The following HSP90AA1 variants were observed in gnomAD, a reference collection of about 807,000 sequenced individuals.
The protein encoded by HSP90AA1 is heat shock protein HSP 90-alpha.
Under a neutral mutation model 73.3 loss-of-function variants are expected in HSP90AA1, and 18 were observed. That is an observed-to-expected ratio of 0.25 (90% CI 0.17 to 0.36). HSP90AA1 has a LOEUF of 0.36. Ranked by LOEUF, HSP90AA1 falls within the 10% of genes least tolerant of loss-of-function variation. The probability of loss-of-function intolerance (pLI) is 1.00; values close to 1 mark genes in which losing one functional copy is unlikely to be tolerated. For synonymous variants in HSP90AA1, 477 were observed against 296.9 expected, an observed-to-expected ratio of 1.61 and a Z score of -6.24; for missense variants, 704 against 874.2, an observed-to-expected ratio of 0.81 and a Z score of 2.45.
upstream of HSP90AA1, among the ~76,000 whole-genome samples, chr14:102,088,827 A>G (rs549455197): frequency 2.6e-5 from 4 of 151,854 alleles, no homozygotes; most frequent in Non-Finnish European, 5.9e-5. Flanking sequence ...TTCCTACCGC[A>G]GTTTCTGCCA....
chr14:102,109,208 C>T (rs1015229105), intron 1 of HSP90AA1, among the ~76,000 whole-genome samples: 8 of 152,152 alleles, frequency 5.3e-5, no homozygotes, highest in Non-Finnish European at 8.8e-5. Flanking sequence ...GATGGAATTA[C>T]ACAATACGTA....
At position 102,101,931 on chromosome 14, in the gene HSP90AA1, C is replaced by T. The variant is rs754687878; in HGVS notation, c.310G>A (p.Gly104Ser). Residue 104 changes from glycine to serine, a missense_variant, in exon 2 of 12, where the codon GGT becomes AGT. By Grantham distance (56) the Gly-to-Ser change is moderately conservative. Transcript: ENST00000334701. Reference sequence around the variant, plus strand: ...TCCTTGTAGAGGTGTTGCCCTGCACCTTGGCTCTGTCTGAAGGCCAGTGAC... The same window carrying T: ...TCCTTGTAGAGGTGTTGCCCTGCACTTTGGCTCTGTCTGAAGGCCAGTGAC... 4.3e-6 allele frequency: 7 copies of T among 1,614,078 alleles called. No individual in the cohort carries two copies. The East Asian group carries it at 1.1e-4, about 26-fold the overall frequency.
At chr14:102,100,187 C>G (rs551478272) in intron 2 of HSP90AA1, among the ~76,000 whole-genome samples, 11 of 151,458 alleles carry the variant, frequency 7.3e-5, no homozygotes, top group Non-Finnish European at 1.3e-4. Context: ...AACTCTGTCT[C>G]GAAAAAAAAA....
chr14:102,094,652 G>T (rs1481221239), intron 2 of HSP90AA1, among the ~76,000 whole-genome samples: 1 of 152,202 alleles, frequency 6.6e-6, no homozygotes, highest in Non-Finnish European at 1.5e-5. Context: ...GAATTAAAAA[G>T]AAAATGGAGG....
At chr14:102,121,150 C>T (rs542675640) in intron 1 of HSP90AA1, among the ~76,000 whole-genome samples, 4 of 152,142 alleles carry the variant, frequency 2.6e-5, no homozygotes, top group African/African-American at 9.6e-5. Flanking sequence ...GATGCTCCTG[C>T]CTCAGCCTTC....
chr14:102,106,524 C>T (rs543991835), intron 1 of HSP90AA1, among the ~76,000 whole-genome samples: 31 of 147,254 alleles, frequency 2.1e-4, no homozygotes, highest in African/African-American at 6.0e-4. Context: ...CGCCTGAGCT[C>T]CCTGTTGAGC....
At chr14:102,097,504 C>T (rs74594647) in intron 2 of HSP90AA1, among the ~76,000 whole-genome samples, 3,512 of 152,264 alleles carry the variant, frequency 0.023, 80 homozygotes, top group South Asian at 0.1. Flanking sequence ...TCCACTGCTG[C>T]TCCTGTTCTG....
chr14:102,097,187 T>A (rs919403531), intron 2 of HSP90AA1, among the ~76,000 whole-genome samples: 1 of 152,064 alleles, frequency 6.6e-6, no homozygotes, highest in African/African-American at 2.4e-5. Flanking sequence ...GGTTTCTCCA[T>A]GTTGGCCAGG....
At chr14:102,134,708 G>A (rs930929007) in intron 1 of HSP90AA1, among the ~76,000 whole-genome samples, 3 of 152,142 alleles carry the variant, frequency 2.0e-5, no homozygotes, top group African/African-American at 4.8e-5. Context: ...GAGTGAAGCT[G>A]CAAATCTTCG....
Position 102,083,979 on chromosome 14 carries a change from G to A in HSP90AA1, c.1152C>T (p.Phe384=). The change falls in exon 7 of 11, where the codon TTC becomes TTT. Residue 384 remains phenylalanine, a synonymous_variant. Coordinates refer to ENST00000216281, the MANE Select transcript of HSP90AA1 (RefSeq NM_005348.4). ...CEELIPEYLN[F]IRGVVDSEDL... ...CCTCCGAGTCTACCACCCCTCTAAT[G>A]AAGTCTGAAAAAAATATAAACCAAA... is the stretch of plus-strand genomic sequence containing the variant. The A allele has an allele frequency of 6.2e-7, 1 of 1,613,098 alleles. No homozygotes were observed. Among genetic ancestry groups the A allele is most frequent in the Non-Finnish European group, 8.5e-7 (1 of 1,179,068 alleles).
rs1725591358 is a variant in HSP90AA1, at chr14:102,080,933, C to T, written c.*779G>A. ...ACATGCTGGGAAGACCATGTCAACC[C>T]TTGGAGCAGCTAGTGTTTAACCATC... On this transcript the variant is annotated 3_prime_UTR_variant, in exon 11 of 11. Coordinates refer to ENST00000216281, the MANE Select transcript of HSP90AA1 (RefSeq NM_005348.4). The T allele has an allele frequency of 4.4e-6, 1 of 228,122 alleles. No individual in the cohort carries two copies. Among genetic ancestry groups the T allele is most frequent in the Non-Finnish European group, 8.7e-6 (1 of 114,922 alleles). 14.1% of individuals were successfully genotyped at this position (228,122 alleles called of 1,614,324 possible).
rs949105975 is a variant in HSP90AA1, at chr14:102,081,515, A to C, written c.*197T>G. ...AAATAAACCAACATGAAACTCAAAA[A>C]GCATTACTAGCTCTGCTTTAGTGCC... On this transcript the variant is annotated 3_prime_UTR_variant, in exon 11 of 11. Transcript: ENST00000216281. 5.0e-6 allele frequency: 3 copies of C among 603,736 alleles called. No homozygotes were observed. In the East Asian group the frequency reaches 8.3e-5, roughly 17 times the overall value. 37.4% of individuals were successfully genotyped at this position (603,736 alleles called of 1,614,324 possible).
At chr14:102,082,072 G>GT in intron 10 of HSP90AA1, 39 bp downstream of exon 10, 1 of 1,366,980 alleles carries the variant, frequency 7.3e-7, no homozygotes, top group Non-Finnish European at 1.0e-6. Flanking sequence ...TGTCACGTGT[G>GT]TTTATTTTCT....
At chr14:102,085,592 A>G (rs35155249) in intron 3 of HSP90AA1, 161 bp from the exon 4 acceptor site, 61,130 of 1,245,652 alleles carry the variant, frequency 0.049, 1,732 homozygotes, top group Non-Finnish European at 0.057. Context: ...CGCCCAAAAG[A>G]ACCGCCCACC....
Position 102,083,321 on chromosome 14 carries a change from A to G in HSP90AA1, c.1487-19T>C. 1 of 1,613,750 alleles carries G rather than the reference A, an allele frequency of 6.2e-7. No homozygotes were observed. The highest frequency in any genetic ancestry group is 1.3e-5 in the African/African-American group (1 of 75,058). On this transcript the variant is annotated intron_variant, in intron 8 of 10. Coordinates refer to ENST00000216281, the MANE Select transcript of HSP90AA1 (RefSeq NM_005348.4). The stretch of plus-strand genomic sequence containing the variant: ...GTCTCACCTGAGGTATTACAAAGTT[A>G]CTTTTAGACCTTTTAACAGTTAAGA...
chr14:102,084,328 G>C, intron 6 of HSP90AA1, 71 bp downstream of exon 6: 3 of 1,432,054 alleles, frequency 2.1e-6, no homozygotes, highest in Non-Finnish European at 2.9e-6. Flanking sequence ...TTATAGGTGT[G>C]AGCCACCATG....
intron 1 of HSP90AA1, among the ~76,000 whole-genome samples, chr14:102,134,050 C>G (rs2049944739): frequency 6.6e-6 from 1 of 151,398 alleles, no homozygotes; most frequent in Non-Finnish European, 1.5e-5. Flanking sequence ...ACTTGGGACG[C>G]TGAGGCAGGA....
In HSP90AA1 at chr14:102,083,088, CTT is replaced by C. The variant is rs1566718256; in HGVS notation, c.1699_1700del (p.Lys567ValfsTer2). ...EKKKQEEKKT[K>X]FENLCKIMKD... is the part of the protein sequence containing the mutation. ...TCATGATTTTGCAGAGGTTCTCAAA[CTT>C]TGTTTTTTTCTCTTCCTGCTTCTTT... On this transcript the variant is annotated frameshift_variant, in exon 9 of 11. Coordinates refer to ENST00000216281, the MANE Select transcript of HSP90AA1 (RefSeq NM_005348.4). LOFTEE classifies it high-confidence loss of function. The C allele has an allele frequency of 6.2e-7, 1 of 1,613,822 alleles. No individual in the cohort carries two copies. The highest frequency in any genetic ancestry group is 1.3e-5 in the African/African-American group (1 of 75,012).
chr14:102,097,547 G>A (rs889538177), intron 2 of HSP90AA1, among the ~76,000 whole-genome samples: 5 of 152,244 alleles, frequency 3.3e-5, no homozygotes, highest in Non-Finnish European at 7.4e-5. Context: ...AGGCCTTTGA[G>A]TCCCCCCAAG....
Sources: gnomAD v4.1 joint callset for allele counts (sites outside exome capture counted in the v4.1 genomes callset) on GRCh38, gnomAD v4.1.1 for gene constraint, MANE v1.5 for transcripts, NCBI Gene and HGNC (gene_info 2026-07-23, HGNC 2026-07-21) for gene names.